The following HBS1L variants were observed in gnomAD, a reference collection of about 807,000 sequenced individuals.
HBS1L encodes the protein HBS1-like protein.
A neutral mutation model predicts 88.9 loss-of-function variants in HBS1L; 55 were observed. The observed-to-expected ratio is 0.62, with a 90% confidence interval of 0.50 to 0.77. The LOEUF (loss-of-function observed/expected upper bound fraction) is 0.77, where lower values mean the gene tolerates loss of function less well. HBS1L is among the 30% of genes least tolerant of loss of function. The probability of loss-of-function intolerance (pLI) is 0.00; values close to 1 mark genes in which losing one functional copy is unlikely to be tolerated. For synonymous variants in HBS1L, 267 were observed against 288.5 expected (o/e 0.93, Z 0.76); for missense variants, 741 against 829.3 (o/e 0.89, Z 1.31).
rs201415547 is a variant in HBS1L at position 134,998,969 on chromosome 6, T to G, written c.540-1313A>C. 2.0e-4 allele frequency among the ~76,000 whole-genome samples: 31 copies of G among 152,290 alleles called. No individual in the cohort carries two copies. The East Asian group carries it at 5.8e-3, about 28-fold the overall frequency. ...AAGGATTCTAACAGGCTAAATTAAG[T>G]GAAATCAAACAGACTATAATTTGCA... On this transcript the variant is annotated intron_variant, in intron 5 of 17. Coordinates refer to ENST00000367837, the MANE Select transcript of HBS1L (RefSeq NM_006620.4).
intron 8 of HBS1L, among the ~76,000 whole-genome samples, chr6:134,993,505 A>C (rs1775203820): frequency 6.6e-6 from 1 of 152,144 alleles, no homozygotes; most frequent in Admixed American, 6.5e-5. Flanking sequence ...CTTTACCATT[A>C]CTTTTACGAT....
At chr6:134,985,433 G>A in intron 11 of HBS1L, 24 bp from the exon 12 acceptor site, 6 of 1,498,562 alleles carry the variant, frequency 4.0e-6, no homozygotes, top group Non-Finnish European at 5.5e-6. Flanking sequence ...ATTGCAAAAG[G>A]CAAGGTTTAA....
intron 8 of HBS1L, among the ~76,000 whole-genome samples, chr6:134,990,142 G>A (rs1304847658): frequency 6.6e-6 from 1 of 152,040 alleles, no homozygotes; most frequent in Non-Finnish European, 1.5e-5. Context: ...GATACCTAAG[G>A]CCACAAATGT....
In HBS1L at chr6:134,998,387, G is replaced by A. The variant is rs1006098634; in HGVS notation, c.540-731C>T. Reference sequence around the variant, plus strand: ...ACTGATCTTAGTTCTTCATGAGCTCGTTGACACTCCACATAGAAACTAGTA... The same window carrying A: ...ACTGATCTTAGTTCTTCATGAGCTCATTGACACTCCACATAGAAACTAGTA... On this transcript the variant is annotated intron_variant, in intron 5 of 17. Coordinates refer to ENST00000367837, the MANE Select transcript of HBS1L (RefSeq NM_006620.4). Among the ~76,000 whole-genome samples, 3 of 151,106 alleles carry A rather than the reference G, an allele frequency of 2.0e-5. No homozygotes were observed. In the South Asian group the frequency reaches 6.4e-4, roughly 32 times the overall value.
chr6:135,035,743 T>A (rs1225349844), intron 4 of HBS1L: 1 of 133,388 alleles, frequency 7.5e-6, no homozygotes, highest in East Asian at 3.4e-4. Flanking sequence ...AGAGCGAGAC[T>A]CTGTCTCAAA....
At chr6:135,017,920 A>G in intron 4 of HBS1L, among the ~76,000 whole-genome samples, 1 of 152,016 alleles carries the variant, frequency 6.6e-6, no homozygotes, top group Non-Finnish European at 1.5e-5. Flanking sequence ...CAAATTCACA[A>G]TTTAAAGTCA....
chr6:134,979,292 C>A, intron 13 of HBS1L, 24 bp from the exon 14 acceptor site: 7 of 1,571,076 alleles, frequency 4.5e-6, no homozygotes, highest in Non-Finnish European at 6.1e-6. Context: ...AGAACCAAAG[C>A]ATACAGTGAA....
In HBS1L at chr6:135,038,024, C is replaced by T. The variant is rs531459270; in HGVS notation, c.430+1549G>A. 2.5e-5 allele frequency: 38 copies of T among 1,497,944 alleles called. No homozygotes were observed. In the South Asian group the frequency reaches 5.1e-4, roughly 20 times the overall value. 92.8% of individuals were successfully genotyped at this position (1,497,944 alleles called of 1,614,324 possible). A position where few individuals can be genotyped will look rare whatever the true frequency, so the allele number is the denominator to read the frequency against. On this transcript the variant is annotated intron_variant, in intron 4 of 17. Transcript: ENST00000367837. ...GAAACTTCAGAAGAAGAAAATAAGA[C>T]TCCTTACCTTACAAGAGCCATTAAT...
chr6:135,021,266 C>T (rs1028995087), intron 4 of HBS1L, among the ~76,000 whole-genome samples: 1 of 151,994 alleles, frequency 6.6e-6, no homozygotes, highest in East Asian at 1.9e-4. Flanking sequence ...CATCAAAATG[C>T]TACATAATTC....
At position 135,032,393 on chromosome 6, in the gene HBS1L, A is replaced by G. The variant is rs539031936; in HGVS notation, c.430+7180T>C. Among the ~76,000 whole-genome samples, 68 of 152,320 alleles carry G rather than the reference A, an allele frequency of 4.5e-4. 2 individuals are homozygous for G. In the South Asian group the frequency reaches 0.014, roughly 31 times the overall value. The stretch of plus-strand genomic sequence containing the variant: ...AAAATTAAAATTGTATAACTGCATA[A>G]GCTGAGCTTTATGTCATTATAAATA... On this transcript the variant is annotated intron_variant, in intron 4 of 17. Transcript: ENST00000367837.
Position 134,982,069 on chromosome 6 carries a change from C to T in HBS1L, c.1597+389G>A, listed in dbSNP as rs539152959. On this transcript the variant is annotated intron_variant, in intron 13 of 17. Coordinates refer to ENST00000367837, the MANE Select transcript of HBS1L (RefSeq NM_006620.4). ...TTCTGAAACATACATTTCAAAGTAA[C>T]AGACTGTAGAAGGCTGCTTTGCCAC... Among the ~76,000 whole-genome samples the T allele has an allele frequency of 3.0e-4, 45 of 152,132 alleles. 1 individual carries two copies. In the South Asian group the frequency reaches 9.3e-3, roughly 32 times the overall value.
intron 3 of HBS1L, among the ~76,000 whole-genome samples, chr6:135,040,808 C>A (rs182503616): frequency 6.6e-6 from 1 of 151,888 alleles, no homozygotes; most frequent in African/African-American, 2.4e-5. Context: ...TCCCTAGAAC[C>A]CTTTGTATCT....
At chr6:135,051,071 CA>C (rs1054693644) in intron 1 of HBS1L, among the ~76,000 whole-genome samples, 10 of 151,970 alleles carry the variant, frequency 6.6e-5, no homozygotes, top group Non-Finnish European at 1.3e-4. Context: ...ACTAAAAATA[CA>C]AAAATTAGCT....
chr6:135,001,485 CT>C, intron 5 of HBS1L, among the ~76,000 whole-genome samples: 1 of 138,948 alleles, frequency 7.2e-6, no homozygotes, highest in African/African-American at 2.9e-5. Flanking sequence ...TTTCCCCCCT[CT>C]CTCTCTCTCT....
intron 4 of HBS1L, among the ~76,000 whole-genome samples, chr6:135,009,571 C>T (rs9389254): frequency 0.47 from 71,994 of 151,924 alleles, 17,296 homozygotes; most frequent in South Asian, 0.57. Flanking sequence ...AGATCTTTTG[C>T]AGATTATGTT....
At chr6:134,986,695 C>T in intron 10 of HBS1L, 41 bp downstream of exon 10, 1 of 1,099,194 alleles carries the variant, frequency 9.1e-7, no homozygotes, top group South Asian at 1.7e-5. Flanking sequence ...AGTAAGATGA[C>T]TTAAGGAAAG....
intron 5 of HBS1L, among the ~76,000 whole-genome samples, chr6:134,998,917 T>C (rs1775367087): frequency 6.6e-6 from 1 of 152,220 alleles, no homozygotes; most frequent in Non-Finnish European, 1.5e-5. Context: ...AAAACAGTAA[T>C]ATGCAGGAAA....
intron 4 of HBS1L, among the ~76,000 whole-genome samples, chr6:135,012,807 G>T (rs992414915): frequency 6.6e-6 from 1 of 152,116 alleles, no homozygotes; most frequent in Non-Finnish European, 1.5e-5. Context: ...ATTGTGCCAA[G>T]ATTTGTGATT....
At chr6:134,981,221 C>A (rs1356213087) in intron 13 of HBS1L, among the ~76,000 whole-genome samples, 2 of 151,808 alleles carry the variant, frequency 1.3e-5, no homozygotes, top group East Asian at 3.9e-4. Flanking sequence ...CATTAACATA[C>A]CAAAAAAATC....
Sources: allele counts gnomAD v4.1 joint callset (sites outside exome capture counted in the v4.1 genomes callset), GRCh38; gene constraint gnomAD v4.1.1; transcripts MANE v1.5; gene names NCBI Gene and HGNC (gene_info 2026-07-23, HGNC 2026-07-21).